Variants in FBN2 observed in about 807,000 individuals in gnomAD.
FBN2 encodes the protein fibrillin-2.
A neutral mutation model predicts 355.6 loss-of-function variants in FBN2; 105 were observed. The ratio of observed to expected loss-of-function variants is 0.30; its 90% CI spans 0.25 to 0.35. The LOEUF is 0.35. FBN2 is among the 10% of genes least tolerant of loss of function. The probability of loss-of-function intolerance (pLI) is 1.00; values close to 1 mark genes in which losing one functional copy is unlikely to be tolerated. For missense variants in FBN2, 3,280 were observed against 3,758.7 expected, an observed-to-expected ratio of 0.87 and a Z score of 3.33; for synonymous variants, 1,350 against 1,301.2, an observed-to-expected ratio of 1.04 and a Z score of -0.81.
intron 5 of FBN2, among the ~76,000 whole-genome samples, chr5:128,500,514 C>A (rs1755781964): frequency 6.8e-6 from 1 of 147,888 alleles, no homozygotes; most frequent in Non-Finnish European, 1.5e-5. Context: ...GCGATCTCGG[C>A]CCACTGCAAG....
At chr5:128,437,281 A>G (rs1753793033) in intron 7 of FBN2, among the ~76,000 whole-genome samples, 1 of 152,228 alleles carries the variant, frequency 6.6e-6, no homozygotes, top group Admixed American at 6.5e-5. Flanking sequence ...GTATAGCTAC[A>G]TAATGGAATA....
chr5:128,403,468 A>C (rs1455513105), intron 8 of FBN2, among the ~76,000 whole-genome samples: 1 of 152,174 alleles, frequency 6.6e-6, no homozygotes, highest in African/African-American at 2.4e-5. Flanking sequence ...CCCTGTGTAC[A>C]CAATAGCAGC....
At chr5:128,414,037 G>A (rs1753134846) in intron 7 of FBN2, among the ~76,000 whole-genome samples, 1 of 152,120 alleles carries the variant, frequency 6.6e-6, no homozygotes, top group African/African-American at 2.4e-5. Flanking sequence ...AATTGCAATG[G>A]AAAATTGATG....
chr5:128,290,990 G>A, intron 49 of FBN2, 106 bp from the exon 50 acceptor site: 2 of 1,085,970 alleles, frequency 1.8e-6, no homozygotes, highest in Non-Finnish European at 1.4e-6. Flanking sequence ...AGCAGTTAAG[G>A]CAGGTCTGGA....
Position 128,307,155 on chromosome 5 carries a change from A to G in FBN2, c.5402T>C (p.Ile1801Thr). 5.0e-6 allele frequency: 8 copies of G among 1,611,176 alleles called. No homozygotes were observed. The highest frequency in any genetic ancestry group is 6.8e-6 in the Non-Finnish European group (8 of 1,177,584). ...CGNIPGFTFD[I>T]HTGKAVDIDE... Reference sequence around the variant, plus strand: ...CTCACCAACAGCTTTTCCTGTGTGAATGTCAAAGGTGAATCCAGGAATATT... The same window carrying G: ...CTCACCAACAGCTTTTCCTGTGTGAGTGTCAAAGGTGAATCCAGGAATATT... Residue 1801 changes from isoleucine (I) to threonine (T), a missense_variant, in exon 42 of 65, where the codon ATT becomes ACT. Physicochemically the swap from Ile to Thr is moderately conservative, Grantham distance 89. Around this residue, in one of 6 missense-constraint regions of FBN2, gnomAD observed 2,284 missense variants for 2,749.5 expected, o/e 0.83. Transcript: ENST00000262464.
intron 15 of FBN2, chr5:128,371,075 T>C (rs561207678): frequency 8.5e-5 from 13 of 152,142 alleles, no homozygotes; most frequent in Non-Finnish European, 1.9e-4. Flanking sequence ...GTGACCACCT[T>C]ATTTCCCTCT....
intron 34 of FBN2, among the ~76,000 whole-genome samples, chr5:128,324,653 G>C (rs559778223): frequency 6.9e-6 from 1 of 145,312 alleles, no homozygotes; most frequent in East Asian, 2.0e-4. Flanking sequence ...GTCTCGCTCT[G>C]TTGACCCAGC....
chr5:128,417,608 A>AT (rs1561446982), intron 7 of FBN2, among the ~76,000 whole-genome samples: 1 of 152,140 alleles, frequency 6.6e-6, no homozygotes, highest in East Asian at 1.9e-4. Context: ...TGAGATGATC[A>AT]TATGGTTTTC....
chr5:128,351,102 A>G (rs1049728516), intron 20 of FBN2, 97 bp from the exon 21 acceptor site: 3 of 1,463,400 alleles, frequency 2.1e-6, no homozygotes, highest in Middle Eastern at 1.7e-4. Context: ...ATTCTAAAAA[A>G]GAAAGATTAC....
intron 8 of FBN2, among the ~76,000 whole-genome samples, chr5:128,398,087 T>C (rs1752697499): frequency 6.6e-6 from 1 of 152,060 alleles, no homozygotes; most frequent in Non-Finnish European, 1.5e-5. Flanking sequence ...ATGCCTCAAT[T>C]CATAGTAGGT....
intron 5 of FBN2, among the ~76,000 whole-genome samples, chr5:128,488,552 C>A (rs1755406555): frequency 6.6e-6 from 1 of 151,804 alleles, no homozygotes; most frequent in Admixed American, 6.6e-5. Context: ...GCACAATGTG[C>A]AGCTTAGTTA....
chr5:128,398,113 C>T (rs979844366), intron 8 of FBN2, among the ~76,000 whole-genome samples: 2 of 152,020 alleles, frequency 1.3e-5, no homozygotes, highest in African/African-American at 4.8e-5. Flanking sequence ...GTCTGAAGAA[C>T]TTCAAAGGAA....
intron 36 of FBN2, among the ~76,000 whole-genome samples, chr5:128,313,852 CAAAAA>C (rs70997367): frequency 2.1e-5 from 1 of 48,244 alleles, no homozygotes; most frequent in African/African-American, 8.9e-5. Flanking sequence ...GACTCTGTCT[CAAAAA>C]AAAAAAAAAA....
rs761551216 is a variant in FBN2 at position 128,271,979 on chromosome 5, T to C, written c.7960+20A>G. On this transcript the variant is annotated intron_variant, in intron 62 of 64. Transcript: ENST00000262464. ...TTTCAGGTGAGAAAAGCAAGTGCGATGGAAGAAAAGAGCACTCACCGACAC... is the reference window on the plus strand; with the variant it reads ...TTTCAGGTGAGAAAAGCAAGTGCGACGGAAGAAAAGAGCACTCACCGACAC... The C allele has an allele frequency of 1.2e-6, 2 of 1,613,740 alleles. No individual in the cohort carries two copies. Among genetic ancestry groups the C allele is most frequent in the East Asian group, 2.2e-5 (1 of 44,864 alleles).
rs1015915609 is a variant in FBN2 at position 128,313,344 on chromosome 5, T to C, written c.4718-549A>G. Among the ~76,000 whole-genome samples, 8 of 152,234 alleles carry C rather than the reference T, an allele frequency of 5.3e-5. No individual in the cohort carries two copies. The East Asian group carries it at 1.3e-3, about 26-fold the overall frequency. On this transcript the variant is annotated intron_variant, in intron 36 of 64. Coordinates refer to ENST00000262464, the MANE Select transcript of FBN2 (RefSeq NM_001999.4). Reference sequence around the variant, plus strand: ...CTGAGAACTCTCAAATTTATGGTTCTGTATCTCATCTCTCCCGTGAACTCT... The same window carrying C: ...CTGAGAACTCTCAAATTTATGGTTCCGTATCTCATCTCTCCCGTGAACTCT...
chr5:128,502,059 A>G (rs1234434483), intron 5 of FBN2, among the ~76,000 whole-genome samples: 2 of 152,160 alleles, frequency 1.3e-5, no homozygotes, highest in African/African-American at 4.8e-5. Flanking sequence ...CCCTTTGGGT[A>G]TCCAGGAAAA....
chr5:128,365,651 A>AAT (rs1056248673), intron 17 of FBN2, among the ~76,000 whole-genome samples: 22 of 150,128 alleles, frequency 1.5e-4, no homozygotes, highest in South Asian at 4.2e-4. Context: ...AATATACATA[A>AAT]ATATATATAT....
chr5:128,315,596 A>G (rs1443727485), intron 36 of FBN2, among the ~76,000 whole-genome samples: 1 of 152,202 alleles, frequency 6.6e-6, no homozygotes, highest in African/African-American at 2.4e-5. Context: ...ATCAACACCA[A>G]TTAGAACAAT....
chr5:128,523,544 A>G (rs1756489388), intron 4 of FBN2, among the ~76,000 whole-genome samples: 1 of 152,156 alleles, frequency 6.6e-6, no homozygotes. Context: ...TCCCAAATTT[A>G]TATCTCTATG....
Sources: gnomAD v4.1 joint callset for allele counts (sites outside exome capture counted in the v4.1 genomes callset) on GRCh38, gnomAD v4.1.1 for gene constraint, gnomAD v4.1.1 regional missense constraint, MANE v1.5 for transcripts, NCBI Gene and HGNC (gene_info 2026-07-23, HGNC 2026-07-21) for gene names.